Variants in NPC2 observed in about 807,000 individuals in gnomAD.
NPC2 encodes Niemann-Pick disease type C2 protein.
NPC2 carries 14 observed loss-of-function variants against 17.0 expected under a neutral mutation model. The ratio of observed to expected loss-of-function variants is 0.82; its 90% CI spans 0.54 to 1.29. The LOEUF (loss-of-function observed/expected upper bound fraction) is 1.29. Among genes scored for constraint, NPC2 ranks in the 50% most tolerant of loss-of-function variants. The pLI is 0.00. For synonymous variants in NPC2, 75 were observed against 69.3 expected (o/e 1.08, Z -0.41); for missense variants, 167 against 183.4 (o/e 0.91, Z 0.52).
chr14:74,493,165 G>T lies in NPC2; in HGVS notation c.82+28C>A. On this transcript the variant is annotated intron_variant, in intron 1 of 4. Transcript: ENST00000555619. This position sits in a 1 kb window ranked among gnomAD's most constrained non-coding sequence, Gnocchi z 4.1. ...CGGCGGGGCCTTCCACAGAGGGCGCGGGAACCTTGGGCGGGCCTGGGGCTC... is the reference window on the plus strand; with the variant it reads ...CGGCGGGGCCTTCCACAGAGGGCGCTGGAACCTTGGGCGGGCCTGGGGCTC... 1 of 1,593,580 alleles carries T rather than the reference G, an allele frequency of 6.3e-7. No individual in the cohort carries two copies. Among genetic ancestry groups the T allele is most frequent in the Non-Finnish European group, 8.5e-7 (1 of 1,171,504 alleles).
chr14:74,484,594 G>T lies in NPC2; in HGVS notation c.191-7C>A. ...CTGCTTTTAGACTGAATATCTAAGA[G>T]AAAAAAAGAGAATCAGATGGCAAAG... On this transcript the variant is annotated splice_polypyrimidine_tract_variant and splice_region_variant and intron_variant, in intron 2 of 4. Transcript: ENST00000555619. 2 of 1,612,876 alleles carry T rather than the reference G, an allele frequency of 1.2e-6. No individual in the cohort carries two copies. Among genetic ancestry groups the T allele is most frequent in the Non-Finnish European group, 1.7e-6 (2 of 1,179,632 alleles).
chr14:74,487,622 C>A lies in NPC2; in HGVS notation c.83-1186G>T, dbSNP rs537238239. Among the ~76,000 whole-genome samples, 4 of 152,254 alleles carry A rather than the reference C, an allele frequency of 2.6e-5. No individual in the cohort carries two copies. The South Asian group carries it at 8.3e-4, about 32-fold the overall frequency. On this transcript the variant is annotated intron_variant, in intron 1 of 4. Coordinates refer to ENST00000555619, the MANE Select transcript of NPC2 (RefSeq NM_006432.5). ...AAAGCAAATGTAGAGCCTGAAACTC[C>A]GCGGAGGAAGATCAGAAATGAATTA...
At chr14:74,488,015 C>T (rs973812926) in intron 1 of NPC2, among the ~76,000 whole-genome samples, 3 of 152,132 alleles carry the variant, frequency 2.0e-5, no homozygotes, top group Non-Finnish European at 2.9e-5. Flanking sequence ...GTTACCGGAA[C>T]CTGAAAGAAG....
chr14:74,485,821 C>A (rs1431749726), intron 2 of NPC2, among the ~76,000 whole-genome samples: 2 of 152,310 alleles, frequency 1.3e-5, no homozygotes, highest in South Asian at 2.1e-4. Flanking sequence ...GAAGAAAGCT[C>A]AGATTTCTTG....
intron 3 of NPC2, among the ~76,000 whole-genome samples, chr14:74,481,258 G>A (rs962619160): frequency 6.6e-6 from 1 of 152,218 alleles, no homozygotes; most frequent in Non-Finnish European, 1.5e-5. Flanking sequence ...GTTTAAAAGA[G>A]TCTGGGGCCT....
chr14:74,483,290 T>G (rs1031788755), intron 3 of NPC2: 3 of 1,178,318 alleles, frequency 2.5e-6, no homozygotes, highest in Non-Finnish European at 3.8e-6. Flanking sequence ...TCCAATGATT[T>G]TGGTTGGCAA....
At chr14:74,484,377 C>G in intron 3 of NPC2, 38 bp downstream of exon 3, 1 of 1,611,600 alleles carries the variant, frequency 6.2e-7, no homozygotes. Flanking sequence ...TAATCCAGTC[C>G]CAAGGCCTCC....
rs558278595 is a variant in NPC2 at position 74,493,133 on chromosome 14, G to A, written c.82+60C>T. On this transcript the variant is annotated intron_variant, in intron 1 of 4. Transcript: ENST00000555619. This position sits in a 1 kb window ranked among gnomAD's most constrained non-coding sequence, Gnocchi z 4.1. ...AGCCCAGCCCCAGGGGTCTCAGCGCGGGGGTCCGGCGGGGCCTTCCACAGA... is the reference window on the plus strand; with the variant it reads ...AGCCCAGCCCCAGGGGTCTCAGCGCAGGGGTCCGGCGGGGCCTTCCACAGA... The A allele has an allele frequency of 1.4e-4, 211 of 1,554,680 alleles. 1 individual carries two copies. In the African/African-American group the frequency reaches 2.6e-3, roughly 19 times the overall value.
chr14:74,481,685 T>G (rs973963215), intron 3 of NPC2, among the ~76,000 whole-genome samples: 10 of 152,234 alleles, frequency 6.6e-5, no homozygotes, highest in African/African-American at 2.4e-4. Flanking sequence ...GTATGAATAA[T>G]TTCAAGGATG....
At chr14:74,493,382 A>T (rs2086800411), upstream of NPC2, 7 of 1,548,680 alleles carry the variant, frequency 4.5e-6, no homozygotes, top group African/African-American at 4.1e-5. This position sits in a 1 kb window ranked among gnomAD's most constrained non-coding sequence, Gnocchi z 4.1. Flanking sequence ...GCGACCTGTC[A>T]CCAGTAACCA....
At chr14:74,489,239 A>C (rs2086745553) in intron 1 of NPC2, among the ~76,000 whole-genome samples, 1 of 152,214 alleles carries the variant, frequency 6.6e-6, no homozygotes, top group Non-Finnish European at 1.5e-5. Flanking sequence ...TTCCTCTGAA[A>C]TATTAACTTG....
chr14:74,492,669 G>A (rs541542864), intron 1 of NPC2, among the ~76,000 whole-genome samples: 53 of 152,264 alleles, frequency 3.5e-4, no homozygotes, highest in African/African-American at 1.3e-3. Flanking sequence ...GACACAATGA[G>A]ATTTATACAA....
chr14:74,482,900 A>T (rs2086669800), intron 3 of NPC2: 21 of 442,128 alleles, frequency 4.7e-5, no homozygotes. Flanking sequence ...GGGAGGAGGG[A>T]GGAGGGAGGA....
chr14:74,481,043 T>C (rs2086651190), intron 3 of NPC2, among the ~76,000 whole-genome samples: 1 of 152,218 alleles, frequency 6.6e-6, no homozygotes, highest in South Asian at 2.1e-4. Flanking sequence ...AGCATTCTCT[T>C]CTCTCTTAGA....
upstream of NPC2, chr14:74,493,350 G>C (rs1336465617): frequency 6.4e-7 from 1 of 1,565,292 alleles, no homozygotes; most frequent in Non-Finnish European, 8.7e-7. The surrounding 1 kb of genome is among the most constrained non-coding windows in gnomAD (Gnocchi z 4.1). Flanking sequence ...GTCGGGGCGG[G>C]CCCGGGGAGG....
At chr14:74,482,947 A>C in intron 3 of NPC2, 3 of 538,606 alleles carry the variant, frequency 5.6e-6, no homozygotes, top group African/African-American at 1.9e-5. Flanking sequence ...GACTGGGGGA[A>C]TCATCAGTAT....
chr14:74,481,753 G>A (rs975127840), intron 3 of NPC2, among the ~76,000 whole-genome samples: 1 of 152,186 alleles, frequency 6.6e-6, no homozygotes, highest in African/African-American at 2.4e-5. Flanking sequence ...TTCTAATAAT[G>A]TACTTCATCA....
At chr14:74,489,905 G>A (rs914796463) in intron 1 of NPC2, among the ~76,000 whole-genome samples, 6 of 152,192 alleles carry the variant, frequency 3.9e-5, no homozygotes, top group African/African-American at 1.2e-4. Flanking sequence ...CACAAATACA[G>A]ATCTTAGGTA....
rs1414632955 is a variant in NPC2 at position 74,493,141 on chromosome 14, G to C, written c.82+52C>G. On this transcript the variant is annotated intron_variant, in intron 1 of 4. Transcript: ENST00000555619. The surrounding 1 kb of genome is among the most constrained non-coding windows in gnomAD (Gnocchi z 4.1). ...CCCAGGGGTCTCAGCGCGGGGGTCC[G>C]GCGGGGCCTTCCACAGAGGGCGCGG... The C allele has an allele frequency of 6.4e-7, 1 of 1,566,032 alleles. No homozygotes were observed. Among genetic ancestry groups the C allele is most frequent in the Non-Finnish European group, 8.7e-7 (1 of 1,155,616 alleles).
Sources: gnomAD v4.1 joint callset for allele counts (sites outside exome capture counted in the v4.1 genomes callset) on GRCh38, gnomAD v4.1.1 for gene constraint, Gnocchi (gnomAD v3.1) non-coding constraint, MANE v1.5 for transcripts, NCBI Gene and HGNC (gene_info 2026-07-23, HGNC 2026-07-21) for gene names.